The following SORCS2 variants were observed in gnomAD, a reference collection of about 807,000 sequenced individuals.
SORCS2 encodes the protein sortilin related VPS10 domain containing receptor 2, also known as VPS10 domain-containing receptor SorCS2.
In SORCS2, 100 loss-of-function variants were observed where a neutral mutation model predicts 141.6. The observed-to-expected ratio is 0.71, with a 90% confidence interval of 0.60 to 0.83. The LOEUF is 0.83. Among genes scored for constraint, SORCS2 ranks in the 40% least tolerant of loss-of-function variants. SORCS2 has a pLI of 0.00. For missense variants in SORCS2, 1,646 were observed against 1,560.2 expected, an observed-to-expected ratio of 1.05 and a Z score of -0.93; for synonymous variants, 789 against 676.9, an observed-to-expected ratio of 1.17 and a Z score of -2.57.
intron 1 of SORCS2, among the ~76,000 whole-genome samples, chr4:7,238,928 G>A (rs548821875): frequency 2.0e-5 from 3 of 152,292 alleles, no homozygotes; most frequent in South Asian, 2.1e-4. Flanking sequence ...CTGTGCCCTC[G>A]CTGCAGCCTC....
chr4:7,322,978 T>TTTC (rs970050435), intron 1 of SORCS2, among the ~76,000 whole-genome samples: 1 of 151,666 alleles, frequency 6.6e-6, no homozygotes, highest in South Asian at 2.1e-4. Context: ...GCCCGTTTTT[T>TTTC]ATCTTTTTCT....
chr4:7,643,382 G>C (rs1021881316), intron 4 of SORCS2, among the ~76,000 whole-genome samples: 1 of 152,194 alleles, frequency 6.6e-6, no homozygotes, highest in African/African-American at 2.4e-5. Context: ...TGCTTGCTGA[G>C]GCAGAACCCT....
chr4:7,417,238 C>G (rs937878411), intron 2 of SORCS2, among the ~76,000 whole-genome samples: 1 of 152,112 alleles, frequency 6.6e-6, no homozygotes, highest in African/African-American at 2.4e-5. Flanking sequence ...CTAGACTTGT[C>G]CAGGGATGAT....
chr4:7,724,778 ATGGTGCTGGTGAGGATGG>A (rs1727030824), intron 19 of SORCS2, among the ~76,000 whole-genome samples: 1 of 24,382 alleles, frequency 4.1e-5, no homozygotes, highest in African/African-American at 2.8e-4. Context: ...GATGGTGGTG[ATGGTGCTGGTGAGGATGG>A]TGATGGTGGT....
intron 2 of SORCS2, among the ~76,000 whole-genome samples, chr4:7,409,319 G>A (rs1026096578): frequency 1.3e-5 from 2 of 152,160 alleles, no homozygotes; most frequent in Admixed American, 1.3e-4. Flanking sequence ...CCCAAATAGG[G>A]GAGGTCTCAA....
chr4:7,219,163 G>GTTTA (rs1289136696), intron 1 of SORCS2, among the ~76,000 whole-genome samples: 1 of 96,662 alleles, frequency 1.0e-5, no homozygotes, highest in African/African-American at 5.0e-5. Flanking sequence ...TGATCTTTTT[G>GTTTA]TCTATGCTGT....
At chr4:7,476,719 C>G (rs1730319113) in intron 2 of SORCS2, among the ~76,000 whole-genome samples, 1 of 152,160 alleles carries the variant, frequency 6.6e-6, no homozygotes, top group South Asian at 2.1e-4. Context: ...ATCATGAACC[C>G]TCTCTTGCCA....
chr4:7,429,070 G>A (rs1464690450), intron 2 of SORCS2, among the ~76,000 whole-genome samples: 1 of 152,192 alleles, frequency 6.6e-6, no homozygotes, highest in Admixed American at 6.5e-5. Context: ...AAAGGAGAAT[G>A]TAAGGGTTTG....
intron 1 of SORCS2, among the ~76,000 whole-genome samples, chr4:7,197,802 T>C (rs1019912080): frequency 3.3e-5 from 5 of 152,202 alleles, no homozygotes; most frequent in Non-Finnish European, 5.9e-5. Flanking sequence ...GACATTGCAA[T>C]TGAGCTTCAG....
chr4:7,527,390 C>T (rs920748593), intron 2 of SORCS2, among the ~76,000 whole-genome samples: 6 of 152,318 alleles, frequency 3.9e-5, no homozygotes, highest in African/African-American at 1.2e-4. Context: ...GCCAGAGGGA[C>T]GTGAGACTGT....
chr4:7,509,254 G>A (rs1732464504), intron 2 of SORCS2, among the ~76,000 whole-genome samples: 1 of 152,146 alleles, frequency 6.6e-6, no homozygotes, highest in South Asian at 2.1e-4. Flanking sequence ...GCAGCCTGGG[G>A]GCCAGGGCCA....
chr4:7,626,613 A>G (rs544383706), intron 3 of SORCS2, among the ~76,000 whole-genome samples: 4 of 152,198 alleles, frequency 2.6e-5, no homozygotes, highest in Admixed American at 1.3e-4. Flanking sequence ...GTGTGTACGT[A>G]TTTATGTACG....
intron 3 of SORCS2, among the ~76,000 whole-genome samples, chr4:7,544,731 C>G (rs1346465785): frequency 6.6e-6 from 1 of 152,224 alleles, no homozygotes; most frequent in Admixed American, 6.5e-5. Flanking sequence ...CTTGCAGGCT[C>G]TGAGCACCCA....
At chr4:7,236,700 G>C (rs1046036885) in intron 1 of SORCS2, among the ~76,000 whole-genome samples, 12 of 152,146 alleles carry the variant, frequency 7.9e-5, no homozygotes, top group Non-Finnish European at 1.8e-4. Context: ...TCCTTCCTCA[G>C]CCTCCTGAGT....
At chr4:7,724,115 A>ATGGTGGTGGTGGTGGTGG (rs757064728) in intron 19 of SORCS2, among the ~76,000 whole-genome samples, 1 of 145,112 alleles carries the variant, frequency 6.9e-6, no homozygotes, top group African/African-American at 2.7e-5. Context: ...AGTGGTGGTG[A>ATGGTGGTGGTGGTGGTGG]TGGTGGTGGT....
intron 3 of SORCS2, among the ~76,000 whole-genome samples, chr4:7,548,454 G>C (rs746179494): frequency 6.6e-6 from 1 of 152,160 alleles, no homozygotes; most frequent in African/African-American, 2.4e-5. Context: ...CTAAGTGCCC[G>C]CTGGAAGCTG....
intron 3 of SORCS2, among the ~76,000 whole-genome samples, chr4:7,577,918 A>T (rs1383658599): frequency 4.0e-5 from 6 of 151,578 alleles, no homozygotes; most frequent in African/African-American, 1.5e-4. Context: ...AGGCGAAGTC[A>T]GCTAGTGCCA....
rs1163693107 is a variant in SORCS2, at chr4:7,728,408, C to T, written c.2928C>T (p.Asn976=). 6.2e-7 allele frequency: 1 copy of T among 1,613,814 alleles called. No individual in the cohort carries two copies. The highest frequency in any genetic ancestry group is 2.2e-5 in the East Asian group (1 of 44,884). The change falls in exon 22 of 27, where the codon AAC becomes AAT. Residue 976 remains asparagine, a synonymous_variant. Coordinates refer to ENST00000507866, the MANE Select transcript of SORCS2 (RefSeq NM_020777.3). ...FSKELDAYNP[N]TPEWREDVGL... ...AGGAGCTGGATGCCTACAACCCCAA[C>T]ACCCCTGAGTGGAGGGAAGACGTGG...
chr4:7,737,065 G>T lies in SORCS2; in HGVS notation c.3312-4G>T, dbSNP rs2148903831. 6.4e-7 allele frequency: 1 copy of T among 1,551,022 alleles called. No homozygotes were observed. Among genetic ancestry groups the T allele is most frequent in the Non-Finnish European group, 8.7e-7 (1 of 1,146,854 alleles). Reference sequence around the variant, plus strand: ...GCTGAGCCGCCCTTGCCTCTGTCCAGCAGGAAACGGCCAGGCAGGACCGTG... The same window carrying T: ...GCTGAGCCGCCCTTGCCTCTGTCCATCAGGAAACGGCCAGGCAGGACCGTG... On this transcript the variant is annotated splice_region_variant and splice_polypyrimidine_tract_variant and intron_variant, in intron 25 of 26. Coordinates refer to ENST00000507866, the MANE Select transcript of SORCS2 (RefSeq NM_020777.3).
Sources: gnomAD v4.1 joint callset for allele counts (sites outside exome capture counted in the v4.1 genomes callset) on GRCh38, gnomAD v4.1.1 for gene constraint, MANE v1.5 for transcripts, NCBI Gene and HGNC (gene_info 2026-07-23, HGNC 2026-07-21) for gene names.